Variants in NUTF2 observed in about 807,000 individuals in gnomAD.
The protein encoded by NUTF2 is placental protein 15.
A neutral mutation model predicts 18.5 loss-of-function variants in NUTF2; 3 were observed. The ratio of observed to expected loss-of-function variants is 0.16; its 90% CI spans 0.07 to 0.42. The LOEUF is 0.42. Ranked by LOEUF, NUTF2 falls within the 10% of genes least tolerant of loss-of-function variation. The pLI is 0.99. For missense variants in NUTF2, 44 were observed against 160.7 expected, an observed-to-expected ratio of 0.27 and a Z score of 3.93; for synonymous variants, 51 against 57.9, an observed-to-expected ratio of 0.88 and a Z score of 0.54.
chr16:67,849,269 G>C (rs558040889), intron 1 of NUTF2, among the ~76,000 whole-genome samples: 1 of 152,358 alleles, frequency 6.6e-6, no homozygotes, highest in Admixed American at 6.5e-5. Context: ...CTAGGACACA[G>C]ATTTCAGGTG....
At chr16:67,858,801 C>T (rs930967480) in intron 1 of NUTF2, among the ~76,000 whole-genome samples, 3 of 151,936 alleles carry the variant, frequency 2.0e-5, no homozygotes, top group Admixed American at 6.6e-5. Context: ...ACCATAAAAT[C>T]GGGGGACTTC....
rs200161816 is a variant in NUTF2, at chr16:67,870,892, C to T, written c.363C>T (p.Leu121=). Residue 121 remains leucine, a synonymous_variant, in exon 5 of 5, where the codon CTC becomes CTT. Transcript: ENST00000219169. ...TTTGCACCAATGACATGTTCAGGCT[C>T]GCCCTGCACAACTTTGGCTGACCTC... ...AWVCTNDMFR[L]ALHNFG is the part of the protein sequence containing the mutation. 1.7e-5 allele frequency: 27 copies of T among 1,613,790 alleles called. No individual in the cohort carries two copies. In the East Asian group the frequency reaches 3.6e-4, roughly 21 times the overall value.
At chr16:67,859,270 C>G (rs1181763832) in intron 1 of NUTF2, among the ~76,000 whole-genome samples, 2 of 151,810 alleles carry the variant, frequency 1.3e-5, no homozygotes, top group Non-Finnish European at 2.9e-5. Context: ...ACCTCCACCT[C>G]TCAGGTTCAA....
chr16:67,855,023 T>A (rs1037188050), intron 1 of NUTF2, among the ~76,000 whole-genome samples: 1 of 151,934 alleles, frequency 6.6e-6, no homozygotes, highest in African/African-American at 2.4e-5. Context: ...TTTTTTTTTT[T>A]AATTAATGTT....
chr16:67,860,436 G>A (rs1000112117), intron 1 of NUTF2, among the ~76,000 whole-genome samples: 4 of 152,140 alleles, frequency 2.6e-5, no homozygotes, highest in Non-Finnish European at 5.9e-5. Context: ...CACCATGCCC[G>A]GCTAATTTTT....
At position 67,868,280 on chromosome 16, in the gene NUTF2, G is replaced by A. The variant is rs74026436; in HGVS notation, c.100-60G>A. On this transcript the variant is annotated intron_variant, in intron 2 of 4. Transcript: ENST00000219169. ...AAGGCCCTTTTCAGAGTCTTTCCAG[G>A]GCCTTAGAGATACTTGTACTCTGAG... 6.9e-3 allele frequency: 10,404 copies of A among 1,499,378 alleles called. 615 individuals are homozygous for A. In the African/African-American group the frequency reaches 0.13, roughly 19 times the overall value. The allele number at this position is 1,499,378 out of a possible 1,614,324, so 92.9% of individuals were successfully genotyped here.
chr16:67,867,565 G>A (rs1393294397), intron 2 of NUTF2, among the ~76,000 whole-genome samples: 2 of 152,088 alleles, frequency 1.3e-5, no homozygotes, highest in Non-Finnish European at 2.9e-5. Context: ...GGCCTTGGAA[G>A]GCCCTGTCAG....
chr16:67,863,219 A>G (rs548560204), intron 1 of NUTF2, among the ~76,000 whole-genome samples: 19 of 152,182 alleles, frequency 1.2e-4, no homozygotes, highest in Non-Finnish European at 2.6e-4. Context: ...CTTTCTTGGC[A>G]GAGTATGAAC....
At chr16:67,862,044 T>C (rs781761829) in intron 1 of NUTF2, among the ~76,000 whole-genome samples, 1 of 151,476 alleles carries the variant, frequency 6.6e-6, no homozygotes, top group Non-Finnish European at 1.5e-5. Context: ...TGGATCGAGG[T>C]AGGAGGGAAT....
chr16:67,854,921 G>A lies in NUTF2; in HGVS notation c.-30+7936G>A, dbSNP rs144604214. ...CGCGCCACTGCACTCCAGCCTGGGC[G>A]ACAAAGGGAGATCTCTGTCTTTAAA... On this transcript the variant is annotated intron_variant, in intron 1 of 4. Coordinates refer to ENST00000219169, the MANE Select transcript of NUTF2 (RefSeq NM_005796.3). Among the ~76,000 whole-genome samples the A allele has an allele frequency of 4.0e-3, 602 of 152,072 alleles. 5 individuals carry two copies. The highest frequency in any genetic ancestry group is 0.034 in the Admixed American group (515 of 15,278).
chr16:67,865,273 AT>A (rs1017348759), intron 2 of NUTF2, 44 bp downstream of exon 2: 4 of 1,385,060 alleles, frequency 2.9e-6, no homozygotes, highest in Non-Finnish European at 4.1e-6. Context: ...TAGGGGATCA[AT>A]TTGGATGTTG....
chr16:67,855,875 A>ATTT, intron 1 of NUTF2: 1 of 299,456 alleles, frequency 3.3e-6, no homozygotes, highest in Non-Finnish European at 5.9e-6. Flanking sequence ...TTGCCACCCG[A>ATTT]TTTTTTTTTG....
At chr16:67,850,435 T>C (rs2057845379) in intron 1 of NUTF2, among the ~76,000 whole-genome samples, 1 of 151,682 alleles carries the variant, frequency 6.6e-6, no homozygotes, top group Non-Finnish European at 1.5e-5. Flanking sequence ...CTCGATCTCC[T>C]GACCTCGTGA....
At chr16:67,867,451 G>C (rs540237460) in intron 2 of NUTF2, among the ~76,000 whole-genome samples, 1 of 152,294 alleles carries the variant, frequency 6.6e-6, no homozygotes, top group African/African-American at 2.4e-5. Context: ...GCCCTTTTGA[G>C]TTCTGCCCTT....
At chr16:67,852,967 G>A (rs953887015) in intron 1 of NUTF2, among the ~76,000 whole-genome samples, 1 of 152,188 alleles carries the variant, frequency 6.6e-6, no homozygotes, top group Non-Finnish European at 1.5e-5. Flanking sequence ...ACAGGCATGA[G>A]CCACCGCTCC....
chr16:67,855,879 T>G, intron 1 of NUTF2: 1 of 427,074 alleles, frequency 2.3e-6, no homozygotes. Flanking sequence ...CACCCGATTT[T>G]TTTTTGGCGG....
At chr16:67,852,255 C>T (rs2057865113) in intron 1 of NUTF2, among the ~76,000 whole-genome samples, 1 of 152,086 alleles carries the variant, frequency 6.6e-6, no homozygotes, top group Non-Finnish European at 1.5e-5. Context: ...GAGCTATGAT[C>T]ATGCCACTGC....
chr16:67,870,259 C>T (rs2058002350), intron 4 of NUTF2: 1 of 152,668 alleles, frequency 6.6e-6, no homozygotes, highest in Non-Finnish European at 1.5e-5. Context: ...ATGTTAGAGA[C>T]AGTGCTGGTT....
intron 1 of NUTF2, among the ~76,000 whole-genome samples, chr16:67,859,910 A>G (rs953807514): frequency 7.0e-6 from 1 of 142,814 alleles, no homozygotes; most frequent in Non-Finnish European, 1.5e-5. Flanking sequence ...GGTTCAAGCA[A>G]TTCTGCCTCA....
Sources: allele counts gnomAD v4.1 joint callset (sites outside exome capture counted in the v4.1 genomes callset), GRCh38; gene constraint gnomAD v4.1.1; transcripts MANE v1.5; gene names NCBI Gene and HGNC (gene_info 2026-07-23, HGNC 2026-07-21).